BLTP3B: variants seen among roughly 807,000 people sequenced by gnomAD.
BLTP3B encodes bridge-like lipid transfer protein family member 3B, also known as UHRF1 (ICBP90) binding protein 1-like.
At chr12:100,056,124 T>G in the BLTP3B span, among the ~76,000 whole-genome samples, 1 of 152,214 alleles carries the variant, frequency 6.6e-6, no homozygotes, top group Non-Finnish European at 1.5e-5. Flanking sequence ...GAAATTCATG[T>G]GTTGGCAAAG....
At chr12:100,141,688 A>G in the BLTP3B span, among the ~76,000 whole-genome samples, 1 of 152,246 alleles carries the variant, frequency 6.6e-6, no homozygotes, top group East Asian at 1.9e-4. Context: ...ACAGAAAGGG[A>G]TCCTAACCAA....
the BLTP3B span, among the ~76,000 whole-genome samples, chr12:100,070,473 T>C: frequency 6.6e-6 from 1 of 151,876 alleles, no homozygotes; most frequent in Non-Finnish European, 1.5e-5. Context: ...GTTAAGCTGG[T>C]CTTGAACTCC....
the BLTP3B span, chr12:100,097,325 A>C: frequency 6.3e-7 from 1 of 1,579,346 alleles, no homozygotes; most frequent in African/African-American, 1.4e-5. Context: ...CAAATCCAAC[A>C]GTTAACACAT....
At chr12:100,070,841 A>T in the BLTP3B span, among the ~76,000 whole-genome samples, 1 of 152,064 alleles carries the variant, frequency 6.6e-6, no homozygotes, top group Admixed American at 6.6e-5. Context: ...TCTACTAAAA[A>T]AAAAATTAAC....
chr12:100,107,841 C>G, the BLTP3B span, among the ~76,000 whole-genome samples: 18 of 152,228 alleles, frequency 1.2e-4, no homozygotes, highest in African/African-American at 4.3e-4. Context: ...CTCAACCGAT[C>G]ATCCTGCTTC....
the BLTP3B span, chr12:100,047,428 G>T: frequency 2.5e-6 from 2 of 798,186 alleles, no homozygotes; most frequent in Non-Finnish European, 2.1e-6. Context: ...AACCAGGGAG[G>T]CAGAGGTTTG....
chr12:100,142,770 G>T, the BLTP3B span: 1 of 1,356,374 alleles, frequency 7.4e-7, no homozygotes, highest in Non-Finnish European at 9.8e-7. Context: ...GAGACCCAAG[G>T]CCCCGGCCAA....
chr12:100,129,488 G>C, the BLTP3B span, among the ~76,000 whole-genome samples: 2 of 152,120 alleles, frequency 1.3e-5, no homozygotes, highest in Admixed American at 6.5e-5. Flanking sequence ...AAGATACAAC[G>C]GTGAACAAGA....
the BLTP3B span, chr12:100,089,179 G>C: frequency 1.6e-6 from 2 of 1,226,836 alleles, no homozygotes; most frequent in Non-Finnish European, 2.2e-6. Flanking sequence ...TCAGTCGAAA[G>C]TCATGAAAAA....
the BLTP3B span, among the ~76,000 whole-genome samples, chr12:100,142,015 A>G: frequency 5.3e-5 from 8 of 152,312 alleles, no homozygotes; most frequent in South Asian, 1.7e-3. Flanking sequence ...TTATTTACCT[A>G]AAACAAATCC....
At chr12:100,077,840 A>G in the BLTP3B span, among the ~76,000 whole-genome samples, 2 of 152,196 alleles carry the variant, frequency 1.3e-5, no homozygotes, top group Non-Finnish European at 2.9e-5. Flanking sequence ...TAAACTGAGT[A>G]AGATTGTTAG....
chr12:100,132,202 TAAAGC>T, the BLTP3B span, among the ~76,000 whole-genome samples: 1 of 152,216 alleles, frequency 6.6e-6, no homozygotes, highest in Non-Finnish European at 1.5e-5. Context: ...ACTGCAGTAC[TAAAGC>T]AAAGTGTAAT....
chr12:100,086,372 A>AGCG, the BLTP3B span: 2 of 410,620 alleles, frequency 4.9e-6, no homozygotes, highest in African/African-American at 5.3e-5. Context: ...GGAAAAAAAA[A>AGCG]GGGGGGGGGG....
At chr12:100,083,531 T>A in the BLTP3B span, among the ~76,000 whole-genome samples, 1 of 152,156 alleles carries the variant, frequency 6.6e-6, no homozygotes, top group Non-Finnish European at 1.5e-5. Context: ...CTATAATTAA[T>A]AATTTATTTT....
chr12:100,115,154 TCAGC>T, the BLTP3B span, among the ~76,000 whole-genome samples: 2 of 152,088 alleles, frequency 1.3e-5, no homozygotes, highest in Non-Finnish European at 2.9e-5. Flanking sequence ...GCCTGTAATC[TCAGC>T]ACTTCGGAAG....
chr12:100,071,413 T>C, the BLTP3B span, among the ~76,000 whole-genome samples: 2 of 150,270 alleles, frequency 1.3e-5, no homozygotes, highest in Non-Finnish European at 3.0e-5. Flanking sequence ...ACAAGAATTG[T>C]TTGGGCCCGG....
the BLTP3B span, among the ~76,000 whole-genome samples, chr12:100,138,257 T>C: frequency 6.6e-6 from 1 of 152,210 alleles, no homozygotes; most frequent in Non-Finnish European, 1.5e-5. Flanking sequence ...TCCTGTTCTT[T>C]CCTTGATTTG....
chr12:100,066,925 G>C, the BLTP3B span, among the ~76,000 whole-genome samples: 1 of 151,800 alleles, frequency 6.6e-6, no homozygotes, highest in Non-Finnish European at 1.5e-5. Flanking sequence ...CCAAGAGACA[G>C]ACCATATGAT....
the BLTP3B span, chr12:100,047,680 G>A: frequency 7.1e-7 from 1 of 1,406,982 alleles, no homozygotes. Flanking sequence ...ACTTCATTCG[G>A]TCATATTTTT....
Sources: allele counts gnomAD v4.1 joint callset (sites outside exome capture counted in the v4.1 genomes callset), GRCh38; gene constraint gnomAD v4.1.1; transcripts MANE v1.5; gene names NCBI Gene and HGNC (gene_info 2026-07-23, HGNC 2026-07-21).